The following HS3ST4 variants were observed in gnomAD, a reference collection of about 807,000 sequenced individuals.
HS3ST4 encodes heparan sulfate glucosamine 3-O-sulfotransferase 4.
In HS3ST4, 17 loss-of-function variants were observed where a neutral mutation model predicts 29.2. That is an observed-to-expected ratio of 0.58 (90% CI 0.40 to 0.87). The LOEUF (loss-of-function observed/expected upper bound fraction) is 0.87. Ranked by LOEUF, HS3ST4 falls within the 40% of genes least tolerant of loss-of-function variation. The pLI is 0.00. For missense variants in HS3ST4, 627 were observed against 634.5 expected, an observed-to-expected ratio of 0.99 and a Z score of 0.13; for synonymous variants, 314 against 285.7, an observed-to-expected ratio of 1.10 and a Z score of -1.00.
chr16:25,829,458 G>A (rs1171505080), intron 1 of HS3ST4, among the ~76,000 whole-genome samples: 3 of 152,120 alleles, frequency 2.0e-5, no homozygotes, highest in African/African-American at 7.2e-5. Flanking sequence ...AGAATGTGCA[G>A]GTTTGTTACG....
At chr16:25,791,602 G>C (rs1966869364) in intron 1 of HS3ST4, among the ~76,000 whole-genome samples, 1 of 152,002 alleles carries the variant, frequency 6.6e-6, no homozygotes, top group Non-Finnish European at 1.5e-5. Context: ...ATATTTTGTA[G>C]ACTTTTGTAT....
At chr16:25,914,848 C>G (rs1033097148) in intron 1 of HS3ST4, among the ~76,000 whole-genome samples, 1 of 151,720 alleles carries the variant, frequency 6.6e-6, no homozygotes, top group African/African-American at 2.4e-5. Context: ...AGGAAATCAT[C>G]TAAAGGAGTA....
At chr16:25,970,707 T>A (rs1411667673) in intron 1 of HS3ST4, among the ~76,000 whole-genome samples, 1 of 152,076 alleles carries the variant, frequency 6.6e-6, no homozygotes, top group East Asian at 1.9e-4. Flanking sequence ...TTGGTAGAGA[T>A]GGACACTTGC....
At chr16:25,715,912 C>T (rs904924201) in intron 1 of HS3ST4, among the ~76,000 whole-genome samples, 76 of 152,138 alleles carry the variant, frequency 5.0e-4, no homozygotes, top group Non-Finnish European at 7.6e-4. Context: ...GAGAGCAATT[C>T]CCCCTATAGT....
chr16:25,754,875 A>G (rs1026871880), intron 1 of HS3ST4, among the ~76,000 whole-genome samples: 2 of 150,696 alleles, frequency 1.3e-5, no homozygotes, highest in African/African-American at 5.0e-5. Context: ...TCATCCACCC[A>G]TCCATCTATC....
chr16:26,032,556 C>A (rs1377063630), intron 1 of HS3ST4: 36 of 1,438,446 alleles, frequency 2.5e-5, no homozygotes, highest in Non-Finnish European at 3.3e-5. Context: ...GCATCTCCAG[C>A]ACCTTCAGCT....
At chr16:26,077,734 A>G (rs770100320) in intron 1 of HS3ST4, among the ~76,000 whole-genome samples, 10 of 152,230 alleles carry the variant, frequency 6.6e-5, no homozygotes, top group Admixed American at 1.3e-4. Flanking sequence ...TGTAGATATG[A>G]TTAAAGGGAT....
At chr16:26,135,011 T>C (rs1431512412) in intron 1 of HS3ST4, among the ~76,000 whole-genome samples, 1 of 152,150 alleles carries the variant, frequency 6.6e-6, no homozygotes, top group Non-Finnish European at 1.5e-5. Context: ...ATTATTATTA[T>C]CTTTTTGGTT....
At chr16:26,078,730 G>A (rs2141781219) in intron 1 of HS3ST4, among the ~76,000 whole-genome samples, 1 of 152,308 alleles carries the variant, frequency 6.6e-6, no homozygotes, top group South Asian at 2.1e-4. Flanking sequence ...ATTAATTTAT[G>A]TTTGAACAAA....
chr16:25,949,062 T>A (rs908836859), intron 1 of HS3ST4, among the ~76,000 whole-genome samples: 9 of 151,580 alleles, frequency 5.9e-5, no homozygotes, highest in Non-Finnish European at 1.3e-4. Context: ...TTTTTTTTTT[T>A]AAAGTATTTT....
At chr16:25,948,029 T>G (rs4074471) in intron 1 of HS3ST4, among the ~76,000 whole-genome samples, 39,615 of 152,186 alleles carry the variant, frequency 0.26, 5,546 homozygotes, top group East Asian at 0.39. Flanking sequence ...TATTAATATA[T>G]GTTCGTATCT....
At chr16:26,006,062 G>T (rs1275019120) in intron 1 of HS3ST4, among the ~76,000 whole-genome samples, 1 of 152,080 alleles carries the variant, frequency 6.6e-6, no homozygotes, top group Non-Finnish European at 1.5e-5. Context: ...ACTTTGGGAG[G>T]CTGAGGTATG....
intron 1 of HS3ST4, chr16:26,029,116 T>G (rs1488104311): frequency 6.6e-6 from 1 of 152,262 alleles, no homozygotes; most frequent in Admixed American, 6.5e-5. Flanking sequence ...TCATGAATTC[T>G]GAGAATTTGG....
chr16:25,895,033 T>A (rs1180505417), intron 1 of HS3ST4, among the ~76,000 whole-genome samples: 1 of 152,102 alleles, frequency 6.6e-6, no homozygotes, highest in Non-Finnish European at 1.5e-5. Flanking sequence ...AAAATGGTAA[T>A]GGCAAGGAAG....
chr16:26,095,907 A>G (rs1327843827), intron 1 of HS3ST4, among the ~76,000 whole-genome samples: 1 of 152,204 alleles, frequency 6.6e-6, no homozygotes, highest in Non-Finnish European at 1.5e-5. Context: ...AGAATCAAAT[A>G]GATGCAACAA....
chr16:25,900,832 C>A (rs1425093364), intron 1 of HS3ST4, among the ~76,000 whole-genome samples: 2 of 151,978 alleles, frequency 1.3e-5, no homozygotes, highest in Non-Finnish European at 2.9e-5. Context: ...ATTTTTTTCT[C>A]CCACTATACC....
chr16:26,025,080 TA>T (rs1180067310), intron 1 of HS3ST4, among the ~76,000 whole-genome samples: 2 of 152,136 alleles, frequency 1.3e-5, no homozygotes, highest in Non-Finnish European at 2.9e-5. Context: ...CCATGTTGGG[TA>T]CATGTTGCTT....
chr16:25,831,698 T>A (rs933869881), intron 1 of HS3ST4, among the ~76,000 whole-genome samples: 1 of 152,184 alleles, frequency 6.6e-6, no homozygotes, highest in Admixed American at 6.5e-5. Context: ...TTATGCCCAT[T>A]GTTCTAATGA....
intron 1 of HS3ST4, among the ~76,000 whole-genome samples, chr16:25,731,235 G>T (rs1266065166): frequency 6.6e-6 from 1 of 152,174 alleles, no homozygotes; most frequent in Non-Finnish European, 1.5e-5. Context: ...AAATGTCATG[G>T]CCCAGGGCCC....
Sources: gnomAD v4.1 joint callset for allele counts (sites outside exome capture counted in the v4.1 genomes callset) on GRCh38, gnomAD v4.1.1 for gene constraint, MANE v1.5 for transcripts, NCBI Gene and HGNC (gene_info 2026-07-23, HGNC 2026-07-21) for gene names.